The following RUSC2 variants were observed in gnomAD, a reference collection of about 807,000 sequenced individuals.
RUSC2 encodes RUN and SH3 domain containing 2.
A neutral mutation model predicts 122.2 loss-of-function variants in RUSC2; 34 were observed. The ratio of observed to expected loss-of-function variants is 0.28; its 90% CI spans 0.21 to 0.37. RUSC2 has a LOEUF of 0.37. Among genes scored for constraint, RUSC2 ranks in the 10% least tolerant of loss-of-function variants. The pLI, the probability that RUSC2 is intolerant of heterozygous loss-of-function variation, is 1.00. For synonymous variants in RUSC2, 784 were observed against 790.0 expected (o/e 0.99, Z 0.13); for missense variants, 1,747 against 1,952.4 (o/e 0.89, Z 1.98).
Position 35,547,720 on chromosome 9 carries a change from T to C in RUSC2, c.1199T>C (p.Val400Ala). The C allele has an allele frequency of 6.2e-7, 1 of 1,614,106 alleles. No homozygotes were observed. The highest frequency in any genetic ancestry group is 8.5e-7 in the Non-Finnish European group (1 of 1,180,046). Reference protein sequence around the residue: ...VVATQNYYKLVTCDLSSQSSP... With the variant: ...VVATQNYYKLATCDLSSQSSP... ...GCCACACAAAATTACTATAAACTTG[T>C]CACCTGTGACCTATCTTCCCAATCA... is the stretch of plus-strand genomic sequence containing the variant. Residue 400 changes from valine (V) to alanine (A), a missense_variant, in exon 2 of 12, where the codon GTC becomes GCC. Val to Ala is a moderately conservative substitution (Grantham distance 64, BLOSUM62 0). Coordinates refer to ENST00000361226, the MANE Select transcript of RUSC2 (RefSeq NM_014806.5). This position sits in a 1 kb window ranked among gnomAD's most constrained non-coding sequence, Gnocchi z 4.6.
chr9:35,529,298 G>A (rs1354053812), intron 1 of RUSC2, among the ~76,000 whole-genome samples: 1 of 151,958 alleles, frequency 6.6e-6, no homozygotes, highest in African/African-American at 2.4e-5. Flanking sequence ...CTGCCATGAG[G>A]AGTGCTGGGA....
chr9:35,546,056 A>C lies in RUSC2; in HGVS notation c.-92-374A>C, dbSNP rs56267750. Among the ~76,000 whole-genome samples the C allele has an allele frequency of 0.15, 23,241 of 151,830 alleles. 2,423 individuals carry two copies. The highest frequency in any genetic ancestry group is 0.23 in the Non-Finnish European group (15,422 of 67,910). Reference sequence around the variant, plus strand: ...TAAACATCCTAGATGGTTTTTTCTTAATTGTGTCATTATTCATAGTTTTTT... The same window carrying C: ...TAAACATCCTAGATGGTTTTTTCTTCATTGTGTCATTATTCATAGTTTTTT... On this transcript the variant is annotated intron_variant, in intron 1 of 11. Coordinates refer to ENST00000361226, the MANE Select transcript of RUSC2 (RefSeq NM_014806.5). The surrounding 1 kb of genome is among the most constrained non-coding windows in gnomAD (Gnocchi z 4.3).
chr9:35,547,560 G>A lies in RUSC2; in HGVS notation c.1039G>A (p.Gly347Arg). 6.2e-7 allele frequency: 1 copy of A among 1,614,202 alleles called. No individual in the cohort carries two copies. The highest frequency in any genetic ancestry group is 1.3e-5 in the African/African-American group (1 of 75,056). Residue 347 changes from glycine to arginine, a missense_variant, in exon 2 of 12, where the codon GGG (glycine) becomes AGG (arginine). Coordinates refer to ENST00000361226, the MANE Select transcript of RUSC2 (RefSeq NM_014806.5). The surrounding 1 kb of genome is among the most constrained non-coding windows in gnomAD (Gnocchi z 4.6). ...SHHPESGGRE[G>R]GYGCPHASSP... ...TCACCCTGAAAGTGGAGGAAGGGAA[G>A]GGGGCTATGGTTGCCCTCATGCCTC...
At chr9:35,536,210 C>T (rs1417996273) in intron 1 of RUSC2, among the ~76,000 whole-genome samples, 2 of 152,094 alleles carry the variant, frequency 1.3e-5, no homozygotes. Flanking sequence ...TTGTAATGAT[C>T]CTACTTGACA....
chr9:35,524,136 CA>C (rs768972547), intron 1 of RUSC2, among the ~76,000 whole-genome samples: 10 of 151,972 alleles, frequency 6.6e-5, no homozygotes, highest in Non-Finnish European at 1.3e-4. Flanking sequence ...CCAGCTTGGC[CA>C]ACATGGTGAA....
rs141001864 is a variant in RUSC2 at position 35,557,966 on chromosome 9, C to T, written c.3036C>T (p.Gly1012=). 1.6e-5 allele frequency: 26 copies of T among 1,614,156 alleles called. No homozygotes were observed. The African/African-American group carries it at 3.1e-4, about 19-fold the overall frequency. ...TGGACCTCATTGTGGCTCATTTTGG[C>T]ACAAGCCGGGATCCCGGGGTGAAGG... is the stretch of plus-strand genomic sequence containing the variant. The part of the protein sequence containing the change: ...IAVDLIVAHF[G]TSRDPGVKAK... Residue 1012 remains glycine, a synonymous_variant, in exon 6 of 12, where the codon GGC becomes GGT. Coordinates refer to ENST00000361226, the MANE Select transcript of RUSC2 (RefSeq NM_014806.5). This position sits in a 1 kb window ranked among gnomAD's most constrained non-coding sequence, Gnocchi z 4.6.
chr9:35,507,072 A>G (rs1820929620), intron 1 of RUSC2, among the ~76,000 whole-genome samples: 1 of 152,278 alleles, frequency 6.6e-6, no homozygotes, highest in Non-Finnish European at 1.5e-5. Context: ...AGCTGTGATT[A>G]TACCACTGCA....
rs1183038537 is a variant in RUSC2, at chr9:35,549,042, A to T, written c.2014+507A>T. 4.1e-6 allele frequency: 4 copies of T among 981,980 alleles called. No homozygotes were observed. In the East Asian group the frequency reaches 4.5e-4, roughly 111 times the overall value. 60.8% of individuals were successfully genotyped at this position (981,980 alleles called of 1,614,324 possible). On this transcript the variant is annotated intron_variant, in intron 2 of 11. Transcript: ENST00000361226. ...AGTGAGATTCTGTCTCAAAAAAAAA[A>T]AATAAATAAATACACTGAGGAGATA...
chr9:35,515,870 G>A (rs1449494022), intron 1 of RUSC2, among the ~76,000 whole-genome samples: 1 of 151,132 alleles, frequency 6.6e-6, no homozygotes, highest in African/African-American at 2.4e-5. Flanking sequence ...ATGGTGGCGC[G>A]CACCTCTAAT....
Position 35,561,789 on chromosome 9 carries a change from G to C in RUSC2, c.*407G>C, listed in dbSNP as rs1455357221. The C allele has an allele frequency of 1.8e-6, 1 of 571,308 alleles. No individual in the cohort carries two copies. The highest frequency in any genetic ancestry group is 1.9e-5 in the African/African-American group (1 of 53,536). 35.4% of individuals were successfully genotyped at this position (571,308 alleles called of 1,614,324 possible). A position where few individuals can be genotyped will look rare whatever the true frequency, so the allele number is the denominator to read the frequency against. ...GCCCCCCAGCTGTAAATAGGCTGTGGCCAGTGCCTGGTCATCAGAAGAGGG... is the reference window on the plus strand; with the variant it reads ...GCCCCCCAGCTGTAAATAGGCTGTGCCCAGTGCCTGGTCATCAGAAGAGGG... On this transcript the variant is annotated 3_prime_UTR_variant, in exon 12 of 12. Transcript: ENST00000361226.
chr9:35,534,775 G>C (rs1051106430), intron 1 of RUSC2, among the ~76,000 whole-genome samples: 1 of 152,126 alleles, frequency 6.6e-6, no homozygotes, highest in Non-Finnish European at 1.5e-5. Context: ...GAGCCACCAT[G>C]CCTGGCCCCC....
chr9:35,556,259 A>T, intron 4 of RUSC2, 49 bp from the exon 5 acceptor site: 1 of 1,607,658 alleles, frequency 6.2e-7, no homozygotes, highest in Non-Finnish European at 8.5e-7. Flanking sequence ...ACTGGCCTGG[A>T]ACTCCTGCAC....
rs1456814826 is a variant in RUSC2, at chr9:35,560,950, C to T, written c.4212-10C>T. The T allele has an allele frequency of 3.7e-6, 6 of 1,612,340 alleles. No homozygotes were observed. In the African/African-American group the frequency reaches 6.7e-5, roughly 18 times the overall value. ...CCTGGGCAGAGCCTGAGTCCAGCTGCTGTCCCTAGGCTCCCCTCGGACTGG... is the reference window on the plus strand; with the variant it reads ...CCTGGGCAGAGCCTGAGTCCAGCTGTTGTCCCTAGGCTCCCCTCGGACTGG... On this transcript the variant is annotated splice_polypyrimidine_tract_variant and intron_variant, in intron 10 of 11. Coordinates refer to ENST00000361226, the MANE Select transcript of RUSC2 (RefSeq NM_014806.5).
intron 1 of RUSC2, among the ~76,000 whole-genome samples, chr9:35,492,731 A>C (rs1229765186): frequency 6.6e-6 from 1 of 152,048 alleles, no homozygotes; most frequent in African/African-American, 2.4e-5. Flanking sequence ...AGTGGCATTA[A>C]ATATATTCAC....
chr9:35,558,211 C>T lies in RUSC2; in HGVS notation c.3075C>T (p.Asn1025=), dbSNP rs1383379254. ...RDPGVKAKLG[N]SSVSPNVGHL... ...CACACCTACAGGCAAAGCTGGGAAA[C>T]AGTTCTGTGAGCCCCAATGTGGGCC... Residue 1025 remains asparagine (N), a synonymous_variant, in exon 7 of 12, where the codon AAC becomes AAT. Transcript: ENST00000361226. This position sits in a 1 kb window ranked among gnomAD's most constrained non-coding sequence, Gnocchi z 4.3. 6.2e-7 allele frequency: 1 copy of T among 1,613,382 alleles called. No individual in the cohort carries two copies. Among genetic ancestry groups the T allele is most frequent in the African/African-American group, 1.3e-5 (1 of 74,926 alleles).
At chr9:35,527,220 C>T (rs531988374) in intron 1 of RUSC2, among the ~76,000 whole-genome samples, 16 of 152,066 alleles carry the variant, frequency 1.1e-4, no homozygotes, top group African/African-American at 3.9e-4. Context: ...TCACTTTAGC[C>T]TCAATCTCCC....
At chr9:35,508,589 A>G (rs1210239991) in intron 1 of RUSC2, among the ~76,000 whole-genome samples, 1 of 152,262 alleles carries the variant, frequency 6.6e-6, no homozygotes, top group Admixed American at 6.5e-5. Context: ...AGAGAATATC[A>G]TACCAAAATG....
intron 1 of RUSC2, among the ~76,000 whole-genome samples, chr9:35,528,776 T>C (rs1166643938): frequency 6.6e-6 from 1 of 152,144 alleles, no homozygotes. Flanking sequence ...AAAGCACTGA[T>C]ATTTTACTTT....
intron 2 of RUSC2, among the ~76,000 whole-genome samples, chr9:35,550,269 G>T (rs1354994089): frequency 6.6e-6 from 1 of 152,050 alleles, no homozygotes; most frequent in Non-Finnish European, 1.5e-5. Context: ...GGACTGGAAG[G>T]GGTGTCTTCC....
Sources: allele counts gnomAD v4.1 joint callset (sites outside exome capture counted in the v4.1 genomes callset), GRCh38; gene constraint gnomAD v4.1.1; non-coding constraint Gnocchi (gnomAD v3.1); transcripts MANE v1.5; gene names NCBI Gene and HGNC (gene_info 2026-07-23, HGNC 2026-07-21).